TASP1: variants seen among roughly 807,000 people sequenced by gnomAD.
TASP1 encodes threonine aspartase 1.
In TASP1, 16 loss-of-function variants were observed where a neutral mutation model predicts 56.6. That is an observed-to-expected ratio of 0.28 (90% CI 0.19 to 0.43). The LOEUF is 0.43. Ranked by LOEUF, TASP1 falls within the 20% of genes least tolerant of loss-of-function variation. TASP1 has a pLI of 1.00. For synonymous variants in TASP1, 179 were observed against 184.2 expected, an observed-to-expected ratio of 0.97 and a Z score of 0.23; for missense variants, 393 against 511.6, an observed-to-expected ratio of 0.77 and a Z score of 2.24.
At chr20:13,261,605 CA>C in the TASP1 span, among the ~76,000 whole-genome samples, 1 of 152,252 alleles carries the variant, frequency 6.6e-6, no homozygotes, top group Non-Finnish European at 1.5e-5. Flanking sequence ...GACCCAGACC[CA>C]GACCTTGAAA....
At chr20:13,120,821 C>A in the TASP1 span, among the ~76,000 whole-genome samples, 1 of 152,336 alleles carries the variant, frequency 6.6e-6, no homozygotes, top group East Asian at 1.9e-4. Flanking sequence ...TCCCCACTTT[C>A]CACCTCAAGG....
the TASP1 span, among the ~76,000 whole-genome samples, chr20:13,124,209 GC>G: frequency 6.6e-6 from 1 of 152,080 alleles, no homozygotes; most frequent in East Asian, 1.9e-4. Flanking sequence ...CCAGGGACTA[GC>G]CTTATGGTCC....
At chr20:13,105,950 A>G in the TASP1 span, among the ~76,000 whole-genome samples, 1 of 152,240 alleles carries the variant, frequency 6.6e-6, no homozygotes, top group Non-Finnish European at 1.5e-5. Flanking sequence ...TGCCTAAAGC[A>G]AAAGTGAAAA....
At chr20:13,496,218 T>C (rs761007552) in intron 10 of TASP1, among the ~76,000 whole-genome samples, 1 of 152,076 alleles carries the variant, frequency 6.6e-6, no homozygotes, top group Non-Finnish European at 1.5e-5. Context: ...CACACCTGGT[T>C]AATTTTTGTA....
At chr20:13,516,201 T>C (rs6042192) in intron 10 of TASP1, among the ~76,000 whole-genome samples, 91,764 of 151,976 alleles carry the variant, frequency 0.6, 28,528 homozygotes, top group Non-Finnish European at 0.68. Context: ...AATTCTGCAT[T>C]TCACAAGAAC....
the TASP1 span, among the ~76,000 whole-genome samples, chr20:13,217,400 T>A: frequency 1.3e-5 from 2 of 152,248 alleles, no homozygotes; most frequent in African/African-American, 4.8e-5. Flanking sequence ...TTTGCTATGT[T>A]GTACCACTCT....
At chr20:13,365,953 G>A in the TASP1 span, among the ~76,000 whole-genome samples, 365 of 152,262 alleles carry the variant, frequency 2.4e-3, 1 homozygote, top group African/African-American at 8.6e-3. Context: ...GGATACTGAG[G>A]AAGACAGAGA....
the TASP1 span, among the ~76,000 whole-genome samples, chr20:13,197,427 T>A: frequency 6.6e-6 from 1 of 152,306 alleles, no homozygotes; most frequent in African/African-American, 2.4e-5. Flanking sequence ...GGGCTAGAAG[T>A]CACCTCTAAT....
the TASP1 span, among the ~76,000 whole-genome samples, chr20:13,382,590 G>A: frequency 6.6e-6 from 1 of 152,210 alleles, no homozygotes; most frequent in Non-Finnish European, 1.5e-5. Flanking sequence ...AGGCTGTGGT[G>A]AGCCATGATC....
At chr20:13,631,366 T>C (rs938702125) in intron 1 of TASP1, among the ~76,000 whole-genome samples, 2 of 152,332 alleles carry the variant, frequency 1.3e-5, no homozygotes, top group Admixed American at 1.3e-4. Flanking sequence ...TGTTTTGTGG[T>C]GGTGTGTTTT....
chr20:13,370,228 TATAAG>T, the TASP1 span, among the ~76,000 whole-genome samples: 2 of 152,074 alleles, frequency 1.3e-5, no homozygotes, highest in Admixed American at 1.3e-4. Flanking sequence ...AGCAAAGAAA[TATAAG>T]ATACAAAGAA....
At chr20:13,607,518 T>C (rs568173279) in intron 4 of TASP1, among the ~76,000 whole-genome samples, 1 of 152,344 alleles carries the variant, frequency 6.6e-6, no homozygotes, top group East Asian at 1.9e-4. Context: ...TTTTCAAATA[T>C]TGTACAAAAA....
chr20:13,438,769 G>A lies in TASP1; in HGVS notation c.986-3615C>T, dbSNP rs74683675. ...GCAATCTACTCATCTGACAAAGGGC[G>A]AATATCCAGAATCTACAATGAACTC... On this transcript the variant is annotated intron_variant, in intron 11 of 13. Coordinates refer to ENST00000337743, the MANE Select transcript of TASP1 (RefSeq NM_017714.3). Among the ~76,000 whole-genome samples the A allele has an allele frequency of 1.8e-4, 28 of 151,946 alleles. No homozygotes were observed. The East Asian group carries it at 4.5e-3, about 24-fold the overall frequency.
At chr20:13,276,655 G>C in the TASP1 span, among the ~76,000 whole-genome samples, 1 of 148,574 alleles carries the variant, frequency 6.7e-6, no homozygotes, top group South Asian at 2.1e-4. Flanking sequence ...GTAAGATCTA[G>C]AGACTTTGTC....
the TASP1 span, among the ~76,000 whole-genome samples, chr20:13,235,743 G>T: frequency 6.6e-6 from 1 of 152,082 alleles, no homozygotes; most frequent in Non-Finnish European, 1.5e-5. Flanking sequence ...GTGCTACATG[G>T]TAGGAACTGT....
intron 11 of TASP1, among the ~76,000 whole-genome samples, chr20:13,468,482 G>A (rs1266697849): frequency 2.6e-5 from 4 of 152,198 alleles, no homozygotes; most frequent in Admixed American, 2.0e-4. Context: ...TATCTGGTAG[G>A]TTTTAAAAAG....
the TASP1 span, among the ~76,000 whole-genome samples, chr20:13,190,359 C>A: frequency 6.6e-6 from 1 of 152,018 alleles, no homozygotes; most frequent in Non-Finnish European, 1.5e-5. Context: ...AACCAAAATA[C>A]CATGGTACTG....
At chr20:13,266,481 A>C in the TASP1 span, among the ~76,000 whole-genome samples, 1 of 152,190 alleles carries the variant, frequency 6.6e-6, no homozygotes, top group South Asian at 2.1e-4. Context: ...CAGCTCTGAA[A>C]TTATAGTCAC....
At chr20:13,286,693 T>C in the TASP1 span, among the ~76,000 whole-genome samples, 1 of 152,126 alleles carries the variant, frequency 6.6e-6, no homozygotes, top group African/African-American at 2.4e-5. Flanking sequence ...CTTAGTGGAC[T>C]GAGGAGGCTC....
Sources: gnomAD v4.1 joint callset for allele counts (sites outside exome capture counted in the v4.1 genomes callset) on GRCh38, gnomAD v4.1.1 for gene constraint, MANE v1.5 for transcripts, NCBI Gene and HGNC (gene_info 2026-07-23, HGNC 2026-07-21) for gene names.